ABHD12: variants seen among roughly 807,000 people sequenced by gnomAD.
The protein encoded by ABHD12 is abhydrolase domain containing 12, lysophospholipase, also known as lysophosphatidylserine lipase ABHD12.
A neutral mutation model predicts 58.3 loss-of-function variants in ABHD12; 43 were observed. The observed-to-expected ratio is 0.74, with a 90% confidence interval of 0.58 to 0.95. ABHD12 has a LOEUF of 0.95. Among genes scored for constraint, ABHD12 ranks in the 40% least tolerant of loss-of-function variants. ABHD12 has a pLI of 0.00. For missense variants in ABHD12, 539 were observed against 537.2 expected, an observed-to-expected ratio of 1.00 and a Z score of -0.03; for synonymous variants, 219 against 211.2, an observed-to-expected ratio of 1.04 and a Z score of -0.32.
intron 12 of ABHD12, among the ~76,000 whole-genome samples, chr20:25,301,786 C>G (rs1479639127): frequency 2.6e-5 from 4 of 152,272 alleles, no homozygotes; most frequent in African/African-American, 9.6e-5. Flanking sequence ...GCGCCCATGT[C>G]CTGCCAGTGC....
Position 25,300,696 on chromosome 20 carries a change from C to G in ABHD12, c.*149G>C. 6.5e-7 allele frequency: 1 copy of G among 1,541,740 alleles called. No individual in the cohort carries two copies. On this transcript the variant is annotated 3_prime_UTR_variant, in exon 13 of 13. Coordinates refer to ENST00000339157, the MANE Select transcript of ABHD12 (RefSeq NM_001042472.3). ...CACTGCAGGCCTGCAGGGGCCTCCC[C>G]GCCTGGGATCTGAGGTGCTCTCCAG...
intron 1 of ABHD12, among the ~76,000 whole-genome samples, chr20:25,358,658 T>C (rs1400837840): frequency 6.6e-6 from 1 of 152,152 alleles, no homozygotes. Context: ...GGCCTCAGGC[T>C]AGGAGGTGGC....
At chr20:25,308,549 T>A (rs1251328602) in intron 7 of ABHD12, 55 bp from the exon 8 acceptor site, 1 of 1,559,370 alleles carries the variant, frequency 6.4e-7, no homozygotes, top group African/African-American at 1.4e-5. Context: ...TTTGAGATGA[T>A]ATGGGCCTTA....
chr20:25,357,723 C>G (rs1284190920), intron 1 of ABHD12, among the ~76,000 whole-genome samples: 1 of 152,100 alleles, frequency 6.6e-6, no homozygotes, highest in East Asian at 1.9e-4. Flanking sequence ...AATAATATCA[C>G]CTAATGGCCA....
intron 1 of ABHD12, chr20:25,389,999 C>G (rs905716602): frequency 1.3e-5 from 2 of 152,340 alleles, no homozygotes; most frequent in South Asian, 2.1e-4. Flanking sequence ...GGCGCCCGCC[C>G]GGGCGCTCGG....
intron 1 of ABHD12, among the ~76,000 whole-genome samples, chr20:25,342,976 G>A (rs559146124): frequency 8.5e-5 from 13 of 152,080 alleles, no homozygotes; most frequent in Non-Finnish European, 1.6e-4. Context: ...TAAATTTTTC[G>A]TAGGGACAGT....
chr20:25,381,729 C>G (rs2090024684), intron 1 of ABHD12, among the ~76,000 whole-genome samples: 1 of 151,950 alleles, frequency 6.6e-6, no homozygotes, highest in South Asian at 2.1e-4. Flanking sequence ...GCCTCCACCT[C>G]CTGGGTTCAA....
rs575095893 is a variant in ABHD12, at chr20:25,347,542, T to C, written c.192-8191A>G. ...CAGTGTTATGGTCAAGGATAAATCT[T>C]GGCCAGGTGTGGTGGTTCACACCTG... On this transcript the variant is annotated intron_variant, in intron 1 of 12. Coordinates refer to ENST00000339157, the MANE Select transcript of ABHD12 (RefSeq NM_001042472.3). 4.6e-5 allele frequency among the ~76,000 whole-genome samples: 7 copies of C among 152,300 alleles called. 1 individual carries two copies. Among genetic ancestry groups the C allele is most frequent in the African/African-American group, 1.2e-4 (5 of 41,564 alleles).
chr20:25,304,254 C>G (rs984748514), intron 10 of ABHD12, among the ~76,000 whole-genome samples: 5 of 152,396 alleles, frequency 3.3e-5, no homozygotes, highest in Admixed American at 3.3e-4. Context: ...TGGAGCAGGA[C>G]CCGGTGGGGA....
rs151069701 is a variant in ABHD12, at chr20:25,339,228, G to A, written c.315C>T (p.Phe105=). Residue 105 remains phenylalanine, a splice_region_variant and synonymous_variant, in exon 2 of 13, where the codon TTC becomes TTT. Coordinates refer to ENST00000339157, the MANE Select transcript of ABHD12 (RefSeq NM_001042472.3). Reference sequence around the variant, plus strand: ...GAAAAATGGACACATACCACTTACCGAAATTCAAGAAAATCAGTTTGGCCT... The same window carrying A: ...GAAAAATGGACACATACCACTTACCAAAATTCAAGAAAATCAGTTTGGCCT... ...GIQAKLIFLN[F]VRVPYFIDLK... is the part of the protein sequence containing the mutation. 75 of 1,613,900 alleles carry A rather than the reference G, an allele frequency of 4.6e-5. No homozygotes were observed. The highest frequency in any genetic ancestry group is 1.1e-4 in the East Asian group (5 of 44,878).
At chr20:25,313,950 A>C (rs2088912394) in intron 6 of ABHD12, among the ~76,000 whole-genome samples, 3 of 151,378 alleles carry the variant, frequency 2.0e-5, no homozygotes. Flanking sequence ...GCTGAGGTGC[A>C]GAAGAATCTA....
intron 1 of ABHD12, among the ~76,000 whole-genome samples, chr20:25,354,102 G>T (rs1261065382): frequency 6.6e-6 from 1 of 152,218 alleles, no homozygotes; most frequent in Non-Finnish European, 1.5e-5. Flanking sequence ...GGACGGGGAG[G>T]TTCTTATTTC....
rs1343547826 is a variant in ABHD12, at chr20:25,308,046, CTAGA to C, written c.788-5_788-2del. On this transcript the variant is annotated splice_acceptor_variant and splice_polypyrimidine_tract_variant and intron_variant, in intron 8 of 12. Transcript: ENST00000339157. LOFTEE classifies it high-confidence loss of function. ...AATATAAGGGCATCTGGAGGCGTCT[CTAGA>C]TAAACAAACAGGGAACTGAGAGGTA... is the stretch of plus-strand genomic sequence containing the variant. 3 of 1,595,666 alleles carry C rather than the reference CTAGA, an allele frequency of 1.9e-6. No individual in the cohort carries two copies. The highest frequency in any genetic ancestry group is 3.3e-4 in the Middle Eastern group (2 of 6,030).
intron 1 of ABHD12, among the ~76,000 whole-genome samples, chr20:25,356,925 A>G (rs1334258310): frequency 6.6e-6 from 1 of 152,210 alleles, no homozygotes; most frequent in African/African-American, 2.4e-5. Context: ...TACCTGGGAC[A>G]GGAGCTCAAG....
downstream of ABHD12, chr20:25,295,629 G>A (rs768142737): frequency 1.2e-6 from 2 of 1,614,092 alleles, no homozygotes; most frequent in African/African-American, 1.3e-5. Context: ...AGACTATGAA[G>A]CCTACATGCA....
In ABHD12 at chr20:25,377,570, A is replaced by C. The variant is rs73614592; in HGVS notation, c.191+12943T>G. 1.7e-3 allele frequency among the ~76,000 whole-genome samples: 263 copies of C among 152,248 alleles called. 5 individuals are homozygous for C. In the East Asian group the frequency reaches 0.043, roughly 25 times the overall value. On this transcript the variant is annotated intron_variant, in intron 1 of 12. Transcript: ENST00000339157. ...AGGAGATGGCCACACTGCCTTTTAC[A>C]ACAGTGATAACTCTCATGATAACTA...
intron 1 of ABHD12, among the ~76,000 whole-genome samples, chr20:25,349,495 CA>C (rs1283025840): frequency 6.6e-6 from 1 of 152,140 alleles, no homozygotes; most frequent in Non-Finnish European, 1.5e-5. Flanking sequence ...CCCAAGTGTC[CA>C]TCAGCAGATG....
intron 10 of ABHD12, 92 bp downstream of exon 10, chr20:25,306,741 T>A: frequency 1.1e-6 from 1 of 891,756 alleles, no homozygotes; most frequent in Non-Finnish European, 1.8e-6. Flanking sequence ...CTGAATTCCA[T>A]CCTATTTGAT....
At chr20:25,347,496 T>G (rs998170849) in intron 1 of ABHD12, among the ~76,000 whole-genome samples, 13 of 152,160 alleles carry the variant, frequency 8.5e-5, no homozygotes, top group African/African-American at 2.7e-4. Flanking sequence ...AAAATTTATT[T>G]TTTCTAGATT....
Sources: gnomAD v4.1 joint callset for allele counts (sites outside exome capture counted in the v4.1 genomes callset) on GRCh38, gnomAD v4.1.1 for gene constraint, MANE v1.5 for transcripts, NCBI Gene and HGNC (gene_info 2026-07-23, HGNC 2026-07-21) for gene names.